The following VSNL1 variants were observed in gnomAD, a reference collection of about 807,000 sequenced individuals.
VSNL1 encodes visinin-like protein 1.
A neutral mutation model predicts 20.4 loss-of-function variants in VSNL1; 6 were observed. That is an observed-to-expected ratio of 0.29 (90% CI 0.16 to 0.58). The LOEUF (loss-of-function observed/expected upper bound fraction) is 0.58. Ranked by LOEUF, VSNL1 falls within the 20% of genes least tolerant of loss-of-function variation. The pLI is 0.90. For synonymous variants in VSNL1, 93 were observed against 86.4 expected, an observed-to-expected ratio of 1.08 and a Z score of -0.42; for missense variants, 100 against 234.5, an observed-to-expected ratio of 0.43 and a Z score of 3.75.
At chr2:17,613,257 C>T (rs1665135008) in intron 2 of VSNL1, among the ~76,000 whole-genome samples, 1 of 152,152 alleles carries the variant, frequency 6.6e-6, no homozygotes, top group Non-Finnish European at 1.5e-5. Flanking sequence ...AAATCTTCAG[C>T]AAGGGATTAT....
chr2:17,589,312 C>A (rs1341857440), intron 1 of VSNL1, among the ~76,000 whole-genome samples: 1 of 152,132 alleles, frequency 6.6e-6, no homozygotes, highest in Admixed American at 6.5e-5. Flanking sequence ...TAGGCAGGAC[C>A]TGAGCCACGC....
At chr2:17,641,269 T>A (rs1484789994) in intron 2 of VSNL1, among the ~76,000 whole-genome samples, 4 of 152,186 alleles carry the variant, frequency 2.6e-5, no homozygotes, top group Non-Finnish European at 4.4e-5. Context: ...TTGGAGCGAG[T>A]GAAGACAGTA....
intron 2 of VSNL1, among the ~76,000 whole-genome samples, chr2:17,616,765 C>T (rs1200912193): frequency 6.6e-6 from 1 of 152,172 alleles, no homozygotes. Flanking sequence ...TCCCTCCTGC[C>T]CAGTGGCAGA....
intron 2 of VSNL1, among the ~76,000 whole-genome samples, chr2:17,645,128 G>A (rs2103425907): frequency 6.6e-6 from 1 of 152,362 alleles, no homozygotes; most frequent in East Asian, 1.9e-4. Context: ...AGACTAATGG[G>A]CAGAAATCTA....
intron 2 of VSNL1, among the ~76,000 whole-genome samples, chr2:17,614,956 G>A (rs557235414): frequency 1.3e-5 from 2 of 152,284 alleles, no homozygotes; most frequent in South Asian, 4.1e-4. Flanking sequence ...CAATACTTCT[G>A]TTTCCCTCCG....
chr2:17,624,931 C>T (rs545443619), intron 2 of VSNL1, among the ~76,000 whole-genome samples: 67 of 152,142 alleles, frequency 4.4e-4, no homozygotes, highest in Non-Finnish European at 6.8e-4. Context: ...CTATGGGGCT[C>T]GATATGGTTT....
chr2:17,553,368 A>G (rs1663594359), intron 1 of VSNL1, among the ~76,000 whole-genome samples: 1 of 152,336 alleles, frequency 6.6e-6, no homozygotes, highest in Non-Finnish European at 1.5e-5. Flanking sequence ...TGACAGTATT[A>G]TAAAATATCT....
chr2:17,593,042 T>C (rs1310430822), intron 2 of VSNL1, among the ~76,000 whole-genome samples: 1 of 152,224 alleles, frequency 6.6e-6, no homozygotes, highest in East Asian at 1.9e-4. Flanking sequence ...TAGAAAAATA[T>C]TGCTTTATAT....
At chr2:17,592,338 G>A in intron 2 of VSNL1, 102 bp downstream of exon 2, 4 of 1,257,510 alleles carry the variant, frequency 3.2e-6, no homozygotes, top group South Asian at 1.5e-5. Flanking sequence ...TAGCTAGTTT[G>A]TTTCAACTCT....
intron 1 of VSNL1, among the ~76,000 whole-genome samples, chr2:17,562,625 A>G (rs902525138): frequency 3.3e-5 from 5 of 152,196 alleles, no homozygotes; most frequent in Admixed American, 1.3e-4. Flanking sequence ...GAGGGCATAC[A>G]TTGCACTAAG....
chr2:17,629,965 T>G (rs1282368648), intron 2 of VSNL1, among the ~76,000 whole-genome samples: 1 of 151,944 alleles, frequency 6.6e-6, no homozygotes, highest in Non-Finnish European at 1.5e-5. Context: ...GATTGGTTTG[T>G]GAGTATGCAA....
At chr2:17,581,338 T>C (rs1357972245) in intron 1 of VSNL1, among the ~76,000 whole-genome samples, 2 of 152,204 alleles carry the variant, frequency 1.3e-5, no homozygotes, top group Admixed American at 1.3e-4. Flanking sequence ...ACAGAGTTTA[T>C]TTGTACATTT....
chr2:17,603,443 C>T (rs1664876519), intron 2 of VSNL1, among the ~76,000 whole-genome samples: 1 of 152,218 alleles, frequency 6.6e-6, no homozygotes, highest in Non-Finnish European at 1.5e-5. Flanking sequence ...AAGAACCTAT[C>T]TCCTAAGAAC....
intron 1 of VSNL1, among the ~76,000 whole-genome samples, chr2:17,553,047 A>G (rs1023351522): frequency 6.6e-6 from 1 of 152,096 alleles, no homozygotes; most frequent in African/African-American, 2.4e-5. Flanking sequence ...AGTCTCCTAT[A>G]AAAAGAGGGG....
chr2:17,617,157 G>A (rs1308883661), intron 2 of VSNL1, among the ~76,000 whole-genome samples: 2 of 152,200 alleles, frequency 1.3e-5, no homozygotes, highest in African/African-American at 4.8e-5. Context: ...CCATCAGACA[G>A]AAGAGGAACC....
chr2:17,606,615 A>C (rs1664950021), intron 2 of VSNL1, among the ~76,000 whole-genome samples: 1 of 152,074 alleles, frequency 6.6e-6, no homozygotes, highest in Admixed American at 6.5e-5. Flanking sequence ...CCTCTCTAGC[A>C]GACTTCATGA....
rs1360420520 is a variant in VSNL1, at chr2:17,622,519, AAAAG to A, written c.163-26879_163-26876del. The stretch of plus-strand genomic sequence containing the variant: ...TCTCAAAAAAAAAAAAGAAAGAAAG[AAAAG>A]AAAGAAAGAAAAGAAAGAAAGAAAG... On this transcript the variant is annotated intron_variant, in intron 2 of 3. Coordinates refer to ENST00000295156, the MANE Select transcript of VSNL1 (RefSeq NM_003385.5). Among the ~76,000 whole-genome samples, 46 of 121,282 alleles carry A rather than the reference AAAAG, an allele frequency of 3.8e-4. 1 individual carries two copies. The highest frequency in any genetic ancestry group is 2.5e-3 in the Admixed American group (29 of 11,496). 79.6% of individuals were successfully genotyped at this position (121,282 alleles called of 152,430 possible).
chr2:17,573,949 T>C (rs1664140911), intron 1 of VSNL1, among the ~76,000 whole-genome samples: 2 of 152,244 alleles, frequency 1.3e-5, no homozygotes, highest in African/African-American at 2.4e-5. Context: ...AGGATTCTGC[T>C]TGGCAGCAGT....
chr2:17,622,977 T>G (rs1665420948), intron 2 of VSNL1, among the ~76,000 whole-genome samples: 1 of 152,196 alleles, frequency 6.6e-6, no homozygotes, highest in African/African-American at 2.4e-5. Context: ...CACAAAAGCA[T>G]CTGGTATAAA....
Sources: allele counts gnomAD v4.1 joint callset (sites outside exome capture counted in the v4.1 genomes callset), GRCh38; gene constraint gnomAD v4.1.1; transcripts MANE v1.5; gene names NCBI Gene and HGNC (gene_info 2026-07-23, HGNC 2026-07-21).